Variants in UBE2O observed in about 807,000 individuals in gnomAD.
The protein encoded by UBE2O is ubiquitin conjugating enzyme E2 O.
In UBE2O, 15 loss-of-function variants were observed where a neutral mutation model predicts 125.8. The ratio of observed to expected loss-of-function variants is 0.12; its 90% CI spans 0.08 to 0.18. The LOEUF (loss-of-function observed/expected upper bound fraction) is 0.18. Ranked by LOEUF, UBE2O falls within the 10% of genes least tolerant of loss-of-function variation. The pLI is 1.00. For missense variants in UBE2O, 1,280 were observed against 1,723.6 expected (o/e 0.74, Z 4.56); for synonymous variants, 708 against 703.2 (o/e 1.01, Z -0.11).
At chr17:76,392,270 G>A (rs1223237443) in intron 15 of UBE2O, among the ~76,000 whole-genome samples, 157 bp from the exon 16 acceptor site, 1 of 152,088 alleles carries the variant, frequency 6.6e-6, no homozygotes, top group Admixed American at 6.6e-5. Context: ...CAGCAGTGGA[G>A]AAGCTAAGGA....
chr17:76,396,261 G>C lies in UBE2O; in HGVS notation c.2676C>G (p.Pro892=), dbSNP rs574632752. The change falls in exon 14 of 18, where the codon CCC becomes CCG. Residue 892 remains proline (P), a synonymous_variant. Coordinates refer to ENST00000319380, the MANE Select transcript of UBE2O (RefSeq NM_022066.4). This position sits in a 1 kb window ranked among gnomAD's most constrained non-coding sequence, Gnocchi z 6.7. ...CAGCCTTCACAGGTGACTGCCCCTC[G>C]GGCTTGTCCTCCTTGCGCTCTACGT... ...VPDVERKEDK[P]EGQSPVKAEW... 5 of 1,614,062 alleles carry C rather than the reference G, an allele frequency of 3.1e-6. No homozygotes were observed. In the African/African-American group the frequency reaches 6.7e-5, roughly 22 times the overall value.
chr17:76,401,556 G>GA (rs905402549), intron 5 of UBE2O, among the ~76,000 whole-genome samples: 2 of 151,782 alleles, frequency 1.3e-5, no homozygotes, highest in African/African-American at 4.8e-5. Context: ...TAAAGGATGA[G>GA]AAAAAAAAGC....
chr17:76,453,122 G>T lies in UBE2O; in HGVS notation c.20C>A (p.Pro7His), dbSNP rs77537806. ...GGCTGGAGCGGGAGCTGCGGGCGTG[G>T]GGGCTGCGGGATCCGCCATAACTGC... MADPAA[P>H]TPAAPAPAQA... The change falls in exon 1 of 18, where the codon CCC (proline) becomes CAC (histidine). Residue 7 changes from proline (P) to histidine (H), a missense_variant. This residue lies in a region of UBE2O where 188 missense variants were observed against 192.5 expected (regional missense o/e 0.98). Coordinates refer to ENST00000319380, the MANE Select transcript of UBE2O (RefSeq NM_022066.4). 283 of 753,626 alleles carry T rather than the reference G, an allele frequency of 3.8e-4. 5 individuals are homozygous for T. In the East Asian group the frequency reaches 7.8e-3, roughly 21 times the overall value. 46.7% of individuals were successfully genotyped at this position (753,626 alleles called of 1,614,324 possible). A position where few individuals can be genotyped will look rare whatever the true frequency, so the allele number is the denominator to read the frequency against.
intron 1 of UBE2O, among the ~76,000 whole-genome samples, chr17:76,421,298 T>C (rs530773887): frequency 2.8e-4 from 43 of 152,250 alleles, no homozygotes; most frequent in African/African-American, 7.7e-4. Context: ...TTCTTCCAGA[T>C]ACTGAAACAC....
In UBE2O at chr17:76,398,114, G is replaced by T; in HGVS notation, c.2025+141C>A. On this transcript the variant is annotated intron_variant, in intron 12 of 17. Coordinates refer to ENST00000319380, the MANE Select transcript of UBE2O (RefSeq NM_022066.4). This position sits in a 1 kb window ranked among gnomAD's most constrained non-coding sequence, Gnocchi z 5.4. ...AGTGCTGAGCGGCAGCTTGACTCTG[G>T]GGCAGCTGCCCTTCTGAGGACACTG... 8.3e-7 allele frequency: 1 copy of T among 1,206,812 alleles called. No individual in the cohort carries two copies. The highest frequency in any genetic ancestry group is 1.2e-6 in the Non-Finnish European group (1 of 849,428). 74.8% of individuals were successfully genotyped at this position (1,206,812 alleles called of 1,614,324 possible). A position where few individuals can be genotyped will look rare whatever the true frequency, so the allele number is the denominator to read the frequency against.
At chr17:76,436,962 T>G (rs890590051) in intron 1 of UBE2O, among the ~76,000 whole-genome samples, 1 of 151,930 alleles carries the variant, frequency 6.6e-6, no homozygotes, top group African/African-American at 2.4e-5. Flanking sequence ...TGAAACCATT[T>G]CTACTAAAAA....
intron 1 of UBE2O, among the ~76,000 whole-genome samples, chr17:76,450,530 C>T (rs931202278): frequency 1.3e-5 from 2 of 152,088 alleles, no homozygotes; most frequent in Non-Finnish European, 2.9e-5. Context: ...ATACCACCAC[C>T]GAGCCACAAA....
intron 1 of UBE2O, among the ~76,000 whole-genome samples, chr17:76,427,588 G>A (rs997322553): frequency 6.6e-6 from 1 of 152,182 alleles, no homozygotes; most frequent in Non-Finnish European, 1.5e-5. Context: ...GGCCTGTACT[G>A]TGCAAGGGTC....
Position 76,400,011 on chromosome 17 carries a change from T to C in UBE2O, c.1156-90A>G, listed in dbSNP as rs1296210209. Reference sequence around the variant, plus strand: ...TCTCAGGCTGGGGGGATGACAGCTGTATACACCTGAGTAGCCGGCAAGGGT... The same window carrying C: ...TCTCAGGCTGGGGGGATGACAGCTGCATACACCTGAGTAGCCGGCAAGGGT... On this transcript the variant is annotated intron_variant, in intron 8 of 17. Transcript: ENST00000319380. The surrounding 1 kb of genome is among the most constrained non-coding windows in gnomAD (Gnocchi z 4.3). 4 of 1,528,364 alleles carry C rather than the reference T, an allele frequency of 2.6e-6. No homozygotes were observed. Among genetic ancestry groups the C allele is most frequent in the Non-Finnish European group, 3.5e-6 (4 of 1,130,480 alleles). 94.7% of individuals were successfully genotyped at this position (1,528,364 alleles called of 1,614,324 possible).
At chr17:76,433,449 G>A (rs551879163) in intron 1 of UBE2O, among the ~76,000 whole-genome samples, 1 of 149,838 alleles carries the variant, frequency 6.7e-6, no homozygotes, top group South Asian at 2.2e-4. Flanking sequence ...AATATGGTAT[G>A]ACTCCTAATG....
intron 1 of UBE2O, among the ~76,000 whole-genome samples, chr17:76,409,567 T>A (rs933518094): frequency 2.0e-5 from 3 of 152,156 alleles, no homozygotes; most frequent in African/African-American, 7.2e-5. Flanking sequence ...GGCTAATTTT[T>A]GTATTTCTAG....
In UBE2O at chr17:76,391,695, C is replaced by CA; in HGVS notation, c.3208+60dup. The CA allele has an allele frequency of 6.2e-7, 1 of 1,608,030 alleles. No homozygotes were observed. The highest frequency in any genetic ancestry group is 8.5e-7 in the Non-Finnish European group (1 of 1,176,344). ...ACCCTCCACCTGCCAGGGGGACTAT[C>CA]AGAGTCACTTTCCTCCACCGGCCCT... On this transcript the variant is annotated intron_variant, in intron 17 of 17. Coordinates refer to ENST00000319380, the MANE Select transcript of UBE2O (RefSeq NM_022066.4). The surrounding 1 kb of genome is among the most constrained non-coding windows in gnomAD (Gnocchi z 8.4).
intron 15 of UBE2O, among the ~76,000 whole-genome samples, chr17:76,393,936 C>T (rs531789644): frequency 2.4e-4 from 37 of 152,346 alleles, no homozygotes; most frequent in African/African-American, 8.4e-4. Context: ...GAATGCACTA[C>T]TTTTCTTCTC....
At chr17:76,431,507 A>C (rs2072907617) in intron 1 of UBE2O, among the ~76,000 whole-genome samples, 1 of 152,336 alleles carries the variant, frequency 6.6e-6, no homozygotes, top group East Asian at 1.9e-4. Flanking sequence ...TCTGTCTCAA[A>C]AAAAAAGTCA....
In UBE2O at chr17:76,400,468, G is replaced by A. The variant is rs1490802991; in HGVS notation, c.977C>T (p.Ser326Phe). Residue 326 changes from serine (S) to phenylalanine (F), a missense_variant, in exon 7 of 18, where the codon TCT becomes TTT. Ser to Phe is a radical substitution (Grantham distance 155). Transcript: ENST00000319380. This position sits in a 1 kb window ranked among gnomAD's most constrained non-coding sequence, Gnocchi z 4.3. ...GGTDSVSPPP[S>F]VITQENLGRV... ...GCCTAGGTTTTCCTGGGTGATGACA[G>A]AGGGTGGGGGGCTGACGCTGTCCGT... The A allele has an allele frequency of 5.6e-6, 9 of 1,612,746 alleles. No individual in the cohort carries two copies. Among genetic ancestry groups the A allele is most frequent in the Non-Finnish European group, 6.8e-6 (8 of 1,179,480 alleles).
chr17:76,446,704 G>A (rs1025667775), intron 1 of UBE2O, among the ~76,000 whole-genome samples: 2 of 152,210 alleles, frequency 1.3e-5, no homozygotes, highest in South Asian at 4.1e-4. Flanking sequence ...TCAAGTTGGA[G>A]CTCCTAATGG....
At chr17:76,407,008 TTCA>T in intron 1 of UBE2O, among the ~76,000 whole-genome samples, 1 of 152,132 alleles carries the variant, frequency 6.6e-6, no homozygotes, top group East Asian at 1.9e-4. Context: ...ATGAGCCTGT[TTCA>T]AATGACAACT....
At chr17:76,443,918 T>TA (rs2073114187) in intron 1 of UBE2O, among the ~76,000 whole-genome samples, 1 of 151,942 alleles carries the variant, frequency 6.6e-6, no homozygotes, top group East Asian at 1.9e-4. Context: ...AGGAAGGAAA[T>TA]ACCGTTAAGA....
Position 76,452,844 on chromosome 17 carries a change from C to G in UBE2O, c.298G>C (p.Gly100Arg). The G allele has an allele frequency of 6.6e-7, 1 of 1,503,984 alleles. No individual in the cohort carries two copies. The highest frequency in any genetic ancestry group is 8.9e-7 in the Non-Finnish European group (1 of 1,126,688). 93.2% of individuals were successfully genotyped at this position (1,503,984 alleles called of 1,614,324 possible). A position where few individuals can be genotyped will look rare whatever the true frequency, so the allele number is the denominator to read the frequency against. ...CCCGCGCCCCCGGCCTCGGAGCACC[C>G]CGAGCTCCCGCGGCCCTCCTCCTCG... ...EGEEEGRGSS[G>R]CSEAGGAGHE... Residue 100 changes from glycine to arginine, a missense_variant, in exon 1 of 18, where the codon GGG becomes CGG. By Grantham distance (125) the Gly-to-Arg change is moderately radical. Around this residue, in one of 10 missense-constraint regions of UBE2O, gnomAD observed 188 missense variants for 192.5 expected, o/e 0.98. Transcript: ENST00000319380. The surrounding 1 kb of genome is among the most constrained non-coding windows in gnomAD (Gnocchi z 4.4).
Sources: allele counts gnomAD v4.1 joint callset (sites outside exome capture counted in the v4.1 genomes callset), GRCh38; gene constraint gnomAD v4.1.1; regional missense constraint gnomAD v4.1.1; non-coding constraint Gnocchi (gnomAD v3.1); transcripts MANE v1.5; gene names NCBI Gene and HGNC (gene_info 2026-07-23, HGNC 2026-07-21).